The following MEIS1 variants were observed in gnomAD, a reference collection of about 807,000 sequenced individuals.
MEIS1 encodes the protein homeobox protein Meis1.
A neutral mutation model predicts 50.8 loss-of-function variants in MEIS1; 5 were observed. The observed-to-expected ratio is 0.10, with a 90% confidence interval of 0.05 to 0.21. MEIS1 has a LOEUF of 0.21. Among genes scored for constraint, MEIS1 ranks in the 10% least tolerant of loss-of-function variants. The pLI, the probability that MEIS1 is intolerant of heterozygous loss-of-function variation, is 1.00. For missense variants in MEIS1, 318 were observed against 517.3 expected, an observed-to-expected ratio of 0.61 and a Z score of 3.74; for synonymous variants, 176 against 179.3, an observed-to-expected ratio of 0.98 and a Z score of 0.15.
intron 9 of MEIS1, among the ~76,000 whole-genome samples, chr2:66,558,750 T>C (rs1026006469): frequency 2.0e-5 from 3 of 152,300 alleles, no homozygotes; most frequent in Admixed American, 6.5e-5. Flanking sequence ...TAGAGGTTTA[T>C]GGTTGCTGAA....
Position 66,545,498 on chromosome 2 carries a change from G to A in MEIS1, c.889-2445G>A, listed in dbSNP as rs1572894234. Among the ~76,000 whole-genome samples the A allele has an allele frequency of 2.6e-5, 4 of 152,164 alleles. 1 individual carries two copies. Reference sequence around the variant, plus strand: ...GATGACAAAATTGAGGATAAGAAAAGTTGTCTGTTGTTCAAAGTCCCATAG... The same window carrying A: ...GATGACAAAATTGAGGATAAGAAAAATTGTCTGTTGTTCAAAGTCCCATAG... On this transcript the variant is annotated intron_variant, in intron 8 of 12. Coordinates refer to ENST00000272369, the MANE Select transcript of MEIS1 (RefSeq NM_002398.3).
chr2:66,557,427 C>G (rs891773858), intron 9 of MEIS1, among the ~76,000 whole-genome samples: 9 of 152,200 alleles, frequency 5.9e-5, no homozygotes, highest in African/African-American at 2.2e-4. Context: ...TATTGCCCCT[C>G]TTTATACTTC....
intron 1 of MEIS1, among the ~76,000 whole-genome samples, chr2:66,436,414 A>G (rs553033465): frequency 9.2e-5 from 14 of 152,230 alleles, no homozygotes; most frequent in Non-Finnish European, 1.9e-4. Context: ...TCTCTTAGAT[A>G]AGCCCTCTAC....
intron 8 of MEIS1, among the ~76,000 whole-genome samples, chr2:66,527,724 A>G (rs1674290969): frequency 6.6e-6 from 1 of 151,948 alleles, no homozygotes; most frequent in South Asian, 2.1e-4. Flanking sequence ...AGAGATGGCT[A>G]GAATAGTTTC....
At chr2:66,506,219 G>C (rs1673681210) in intron 7 of MEIS1, among the ~76,000 whole-genome samples, 1 of 152,162 alleles carries the variant, frequency 6.6e-6, no homozygotes, top group African/African-American at 2.4e-5. Flanking sequence ...GCCAGTAAAA[G>C]AAAAATCACC....
Position 66,572,929 on chromosome 2 carries a change from A to G in MEIS1, c.*1721A>G, listed in dbSNP as rs1293408691. 1 of 152,250 alleles carries G rather than the reference A, an allele frequency of 6.6e-6. No homozygotes were observed. The highest frequency in any genetic ancestry group is 1.9e-4 in the East Asian group (1 of 5,204). The allele number at this position is 152,250 out of a possible 1,614,324, so 9.4% of individuals were successfully genotyped here. ...CCACTGATTTCTTTAAGCTGACTTAATGAACTCCTAATATCAGCAAATTTG... is the reference window on the plus strand; with the variant it reads ...CCACTGATTTCTTTAAGCTGACTTAGTGAACTCCTAATATCAGCAAATTTG... On this transcript the variant is annotated 3_prime_UTR_variant, in exon 13 of 13. Coordinates refer to ENST00000272369, the MANE Select transcript of MEIS1 (RefSeq NM_002398.3).
intron 9 of MEIS1, among the ~76,000 whole-genome samples, chr2:66,560,894 T>C (rs185011439): frequency 6.6e-6 from 1 of 152,286 alleles, no homozygotes; most frequent in African/African-American, 2.4e-5. Context: ...TTGGAACTGT[T>C]GGATCCTGGA....
chr2:66,465,616 T>G (rs938574083), intron 7 of MEIS1, among the ~76,000 whole-genome samples: 4 of 152,198 alleles, frequency 2.6e-5, no homozygotes, highest in Non-Finnish European at 5.9e-5. Context: ...AGCCCAAAAT[T>G]GCTACATGGG....
rs149589811 is a variant in MEIS1, at chr2:66,536,300, A to G, written c.889-11643A>G. On this transcript the variant is annotated intron_variant, in intron 8 of 12. Transcript: ENST00000272369. ...TTAATATCAATATTCCAGAGTGGAG[A>G]TTTTAGTCAAATAAAAAGCTTAATT... 3.3e-3 allele frequency among the ~76,000 whole-genome samples: 496 copies of G among 152,312 alleles called. 3 individuals are homozygous for G. Among genetic ancestry groups the G allele is most frequent in the African/African-American group, 0.012 (483 of 41,550 alleles).
Position 66,437,885 on chromosome 2 carries a change from C to T in MEIS1, c.161C>T (p.Ala54Val). Residue 54 changes from alanine (A) to valine (V), a missense_variant, in exon 2 of 13, where the codon GCT becomes GTT. Ala to Val is a moderately conservative substitution (Grantham distance 64). Transcript: ENST00000272369. ...CACTCGCATCAGTACCCGCACACAG[C>T]TCATACCAACGCCATGGCCCCCAGC... ...PLHSHQYPHTAHTNAMAPSMG... is the reference protein window; with the variant it reads ...PLHSHQYPHTVHTNAMAPSMG... 6.2e-7 allele frequency: 1 copy of T among 1,611,552 alleles called. No homozygotes were observed. Among genetic ancestry groups the T allele is most frequent in the Non-Finnish European group, 8.5e-7 (1 of 1,178,748 alleles).
chr2:66,440,125 G>C, intron 3 of MEIS1, 141 bp downstream of exon 3: 1 of 857,402 alleles, frequency 1.2e-6, no homozygotes, highest in Non-Finnish European at 1.7e-6. Context: ...GCACGTAGTC[G>C]GCCTTAAGCC....
rs199688276 is a variant in MEIS1, at chr2:66,442,893, A to G, written c.484-9A>G. 70 of 1,574,878 alleles carry G rather than the reference A, an allele frequency of 4.4e-5. No homozygotes were observed. The South Asian group carries it at 7.4e-4, about 17-fold the overall frequency. ...ATATTCCCATTTTTTTATTTCTGTC[A>G]TAATGTAGGTACACGAATTATGTGA... On this transcript the variant is annotated splice_polypyrimidine_tract_variant and intron_variant, in intron 5 of 12. Coordinates refer to ENST00000272369, the MANE Select transcript of MEIS1 (RefSeq NM_002398.3).
At chr2:66,532,014 ATTTC>A (rs1487154848) in intron 8 of MEIS1, among the ~76,000 whole-genome samples, 3 of 151,794 alleles carry the variant, frequency 2.0e-5, no homozygotes, top group African/African-American at 4.8e-5. Flanking sequence ...CTTTGCATGT[ATTTC>A]TTTCTTTTTT....
intron 9 of MEIS1, among the ~76,000 whole-genome samples, chr2:66,562,665 A>G (rs2103964500): frequency 6.6e-6 from 1 of 152,270 alleles, no homozygotes; most frequent in South Asian, 2.1e-4. Flanking sequence ...ATATATTTCT[A>G]TTTGGACATG....
intron 6 of MEIS1, among the ~76,000 whole-genome samples, chr2:66,456,163 T>C (rs1672382124): frequency 6.6e-6 from 1 of 151,860 alleles, no homozygotes; most frequent in African/African-American, 2.4e-5. Flanking sequence ...AACTGGGAAA[T>C]ATGGAACTCT....
In MEIS1 at chr2:66,569,054, T is replaced by A; in HGVS notation, c.1119T>A (p.Pro373=). The change falls in exon 12 of 13, where the codon CCT becomes CCA. Residue 373 remains proline, a synonymous_variant. Coordinates refer to ENST00000272369, the MANE Select transcript of MEIS1 (RefSeq NM_002398.3). ...GGATTTTTATCTCCCTTCTAGGACC[T>A]ATGAGTGGAATGGGCATGAATATGG... ...QQHMGIRAPG[P]MSGMGMNMGM... 2.5e-6 allele frequency: 4 copies of A among 1,613,662 alleles called. No homozygotes were observed. The Admixed American group carries it at 6.7e-5, about 27-fold the overall frequency.
At chr2:66,559,123 C>CAGAGAGAGAGAGAG (rs58790798) in intron 9 of MEIS1, among the ~76,000 whole-genome samples, 1 of 147,968 alleles carries the variant, frequency 6.8e-6, no homozygotes, top group Admixed American at 6.7e-5. Context: ...GCCTGGGTGA[C>CAGAGAGAGAGAGAG]AGAGAGAGAG....
chr2:66,568,701 G>C lies in MEIS1; in HGVS notation c.1059G>C (p.Gln353His), dbSNP rs547262794. ...SQGTPYNPDGQPMGGFVMDGQ... is the reference protein window; with the variant it reads ...SQGTPYNPDGHPMGGFVMDGQ... ...GAACACCTTATAATCCTGATGGACA[G>C]CCCATGGGAGGTTTCGTAATGGACG... is the stretch of plus-strand genomic sequence containing the variant. Residue 353 changes from glutamine (Q) to histidine (H), a missense_variant, in exon 11 of 13, where the codon CAG becomes CAC. Physicochemically the swap from Gln to His is conservative, Grantham distance 24. This residue lies in a region of MEIS1 where 54 missense variants were observed against 75.0 expected (regional missense o/e 0.72). Transcript: ENST00000272369. 11 of 1,613,696 alleles carry C rather than the reference G, an allele frequency of 6.8e-6. No homozygotes were observed. The highest frequency in any genetic ancestry group is 9.3e-6 in the Non-Finnish European group (11 of 1,179,728).
intron 1 of MEIS1, among the ~76,000 whole-genome samples, chr2:66,436,599 T>C (rs1158443347): frequency 6.6e-6 from 1 of 152,262 alleles, no homozygotes; most frequent in Non-Finnish European, 1.5e-5. Flanking sequence ...ATTTGTGTCC[T>C]GGCCCTCAAA....
Sources: gnomAD v4.1 joint callset for allele counts (sites outside exome capture counted in the v4.1 genomes callset) on GRCh38, gnomAD v4.1.1 for gene constraint, gnomAD v4.1.1 regional missense constraint, MANE v1.5 for transcripts, NCBI Gene and HGNC (gene_info 2026-07-23, HGNC 2026-07-21) for gene names.